DDX24: variants seen among roughly 807,000 people sequenced by gnomAD.
DDX24 encodes the protein ATP-dependent RNA helicase DDX24.
Under a neutral mutation model 68.9 loss-of-function variants are expected in DDX24, and 24 were observed. The observed-to-expected ratio is 0.35, with a 90% CI of 0.25 to 0.49. The LOEUF is 0.49. Ranked by LOEUF, DDX24 falls within the 20% of genes least tolerant of loss-of-function variation. DDX24 has a pLI of 0.99. For synonymous variants in DDX24, 395 were observed against 385.2 expected (o/e 1.03, Z -0.30); for missense variants, 989 against 1,039.0 (o/e 0.95, Z 0.66).
chr14:94,071,212 T>C (rs1885820171), intron 2 of DDX24, among the ~76,000 whole-genome samples: 1 of 151,836 alleles, frequency 6.6e-6, no homozygotes, highest in Admixed American at 6.6e-5. Context: ...AAATAGACAA[T>C]TATCAAAAGA....
At chr14:94,052,368 A>G (rs531739960) in intron 8 of DDX24, among the ~76,000 whole-genome samples, 18 of 152,276 alleles carry the variant, frequency 1.2e-4, no homozygotes, top group Admixed American at 4.6e-4. Flanking sequence ...TCCCTGCACA[A>G]ACTGCCTCTG....
At chr14:94,058,743 G>A (rs1476002780) in intron 5 of DDX24, among the ~76,000 whole-genome samples, 2 of 152,188 alleles carry the variant, frequency 1.3e-5, no homozygotes, top group Admixed American at 1.3e-4. Flanking sequence ...GCCGGGAAAT[G>A]CAATGCAAAT....
intron 6 of DDX24, chr14:94,057,467 G>A (rs1381353399): frequency 1.4e-5 from 3 of 214,812 alleles, no homozygotes; most frequent in Admixed American, 1.2e-4. Context: ...ACACAGCTGG[G>A]ATTTGAGCCC....
In DDX24 at chr14:94,075,446, T is replaced by C. The variant is rs554319050; in HGVS notation, c.718+3579A>G. On this transcript the variant is annotated intron_variant, in intron 2 of 8. Coordinates refer to ENST00000621632, the MANE Select transcript of DDX24 (RefSeq NM_020414.4). Reference sequence around the variant, plus strand: ...AATGGTGCTGAAATAATTAGCCATATGCAGAAAAACCCACAAACTTTGATC... The same window carrying C: ...AATGGTGCTGAAATAATTAGCCATACGCAGAAAAACCCACAAACTTTGATC... Among the ~76,000 whole-genome samples the C allele has an allele frequency of 2.0e-5, 3 of 152,318 alleles. No individual in the cohort carries two copies. In the South Asian group the frequency reaches 6.2e-4, roughly 32 times the overall value.
At chr14:94,080,892 A>G (rs941963826) in intron 1 of DDX24, among the ~76,000 whole-genome samples, 2 of 152,010 alleles carry the variant, frequency 1.3e-5, no homozygotes, top group Non-Finnish European at 2.9e-5. Context: ...CACGAAACCG[A>G]GAAACCGAGA....
At position 94,054,998 on chromosome 14, in the gene DDX24, T is replaced by G; in HGVS notation, c.2176A>C (p.Lys726Gln). ...PVQTKYMDVVKERIRLARQIE... is the reference protein window; with the variant it reads ...PVQTKYMDVVQERIRLARQIE... ...CTGGGGTTTTAACTGCTTTCTACCT[T>G]GACCACATCCATGTATTTTGTCTGC... The change falls in exon 7 of 9, where the codon AAG becomes CAG. Residue 726 changes from lysine to glutamine, a missense_variant and splice_region_variant. This residue lies in a region of DDX24 where 691 missense variants were observed against 760.0 expected (regional missense o/e 0.91). Coordinates refer to ENST00000621632, the MANE Select transcript of DDX24 (RefSeq NM_020414.4). 2 of 1,614,020 alleles carry G rather than the reference T, an allele frequency of 1.2e-6. No individual in the cohort carries two copies. The highest frequency in any genetic ancestry group is 1.7e-6 in the Non-Finnish European group (2 of 1,179,904).
rs777413831 is a variant in DDX24, at chr14:94,060,555, A to G, written c.1456T>C (p.Ser486Pro). 6.2e-7 allele frequency: 1 copy of G among 1,614,174 alleles called. No individual in the cohort carries two copies. The highest frequency in any genetic ancestry group is 1.1e-5 in the South Asian group (1 of 91,084). ...TCATTGAGCATCTCTAGCAGCTGTGAGAGCTCAGCAAAATGGCCTTTCTCA... is the reference window on the plus strand; with the variant it reads ...TCATTGAGCATCTCTAGCAGCTGTGGGAGCTCAGCAAAATGGCCTTTCTCA... ...MVEKGHFAEL[S>P]QLLEMLNDSQ... is the part of the protein sequence containing the mutation. The change falls in exon 5 of 9, where the codon TCA becomes CCA. Residue 486 changes from serine (S) to proline (P), a missense_variant. By Grantham distance (74) the Ser-to-Pro change is moderately conservative. Coordinates refer to ENST00000621632, the MANE Select transcript of DDX24 (RefSeq NM_020414.4).
At position 94,055,478 on chromosome 14, in the gene DDX24, C is replaced by T. The variant is rs949717937; in HGVS notation, c.1990-294G>A. ...ACTTCTTATCCAGGATTTAAGCAGC[C>T]CAGCTCCACAGACCATGTTAATCCC... On this transcript the variant is annotated intron_variant, in intron 6 of 8. Coordinates refer to ENST00000621632, the MANE Select transcript of DDX24 (RefSeq NM_020414.4). The T allele has an allele frequency of 7.3e-6, 3 of 412,776 alleles. No individual in the cohort carries two copies. In the Admixed American group the frequency reaches 1.1e-4, roughly 16 times the overall value. 25.6% of individuals were successfully genotyped at this position (412,776 alleles called of 1,614,324 possible).
At chr14:94,076,212 C>T (rs1462995853) in intron 2 of DDX24, among the ~76,000 whole-genome samples, 2 of 152,120 alleles carry the variant, frequency 1.3e-5, no homozygotes, top group Admixed American at 6.5e-5. Flanking sequence ...CACAAATGTC[C>T]ATCAATAGAT....
At chr14:94,061,935 C>G (rs1885604783) in intron 3 of DDX24, among the ~76,000 whole-genome samples, 162 bp downstream of exon 3, 1 of 152,108 alleles carries the variant, frequency 6.6e-6, no homozygotes, top group Admixed American at 6.5e-5. Flanking sequence ...CTTGAGGGAA[C>G]TGAAAAAATG....
rs571678587 is a variant in DDX24, at chr14:94,069,375, A to C, written c.719-6754T>G. The stretch of plus-strand genomic sequence containing the variant: ...AGCAAGATTGAAATGGTAATTAGAA[A>C]ATTACCAACAAAAAAAAGTCCAGAA... On this transcript the variant is annotated intron_variant, in intron 2 of 8. Transcript: ENST00000621632. 8.0e-4 allele frequency among the ~76,000 whole-genome samples: 122 copies of C among 152,278 alleles called. 1 individual carries two copies. Among genetic ancestry groups the C allele is most frequent in the Non-Finnish European group, 1.5e-3 (104 of 68,002 alleles).
At chr14:94,080,672 C>A (rs1289329181) in intron 1 of DDX24, among the ~76,000 whole-genome samples, 1 of 151,972 alleles carries the variant, frequency 6.6e-6, no homozygotes, top group Non-Finnish European at 1.5e-5. Context: ...CACACAGTGC[C>A]CGCCGGACCC....
chr14:94,049,532 G>A lies in DDX24; in HGVS notation c.*1659C>T, dbSNP rs1350193764. On this transcript the variant is annotated 3_prime_UTR_variant, in exon 9 of 9. Coordinates refer to ENST00000621632, the MANE Select transcript of DDX24 (RefSeq NM_020414.4). Reference sequence around the variant, plus strand: ...ATACTAATCCCACCTCTGCTACTTGGCTGCTGTGTGGCCCTGGGCAAGTCT... The same window carrying A: ...ATACTAATCCCACCTCTGCTACTTGACTGCTGTGTGGCCCTGGGCAAGTCT... 1 of 152,150 alleles carries A rather than the reference G, an allele frequency of 6.6e-6. No homozygotes were observed. Among genetic ancestry groups the A allele is most frequent in the African/African-American group, 2.4e-5 (1 of 41,388 alleles). The allele number at this position is 152,150 out of a possible 1,614,324, so 9.4% of individuals were successfully genotyped here.
rs1193579512 is a variant in DDX24 at position 94,050,908 on chromosome 14, G to A, written c.*283C>T. On this transcript the variant is annotated 3_prime_UTR_variant, in exon 9 of 9. Transcript: ENST00000621632. Reference sequence around the variant, plus strand: ...TCTAAAAAAAAAAAAAAAAAATCAGGATGACACAATGGCTCTGACCATTGT... The same window carrying A: ...TCTAAAAAAAAAAAAAAAAAATCAGAATGACACAATGGCTCTGACCATTGT... The A allele has an allele frequency of 1.4e-5, 5 of 354,382 alleles. No individual in the cohort carries two copies. Among genetic ancestry groups the A allele is most frequent in the African/African-American group, 2.1e-5 (1 of 46,754 alleles). The allele number at this position is 354,382 out of a possible 1,614,324, so 22.0% of individuals were successfully genotyped here. A position where few individuals can be genotyped will look rare whatever the true frequency, so the allele number is the denominator to read the frequency against.
chr14:94,072,321 G>C (rs1426592812), intron 2 of DDX24, among the ~76,000 whole-genome samples: 1 of 152,202 alleles, frequency 6.6e-6, no homozygotes, highest in East Asian at 1.9e-4. Flanking sequence ...TGAGACTGGA[G>C]ACTATTATTC....
chr14:94,077,147 G>A (rs1885959989), intron 2 of DDX24, among the ~76,000 whole-genome samples: 1 of 152,142 alleles, frequency 6.6e-6, no homozygotes, highest in South Asian at 2.1e-4. Flanking sequence ...CCAATAATAG[G>A]CTATTAGCGT....
chr14:94,071,826 TC>T (rs2052032242), intron 2 of DDX24, among the ~76,000 whole-genome samples: 1 of 150,256 alleles, frequency 6.7e-6, no homozygotes, highest in South Asian at 2.1e-4. Context: ...ATGCCTGTAA[TC>T]CCAGCTACTC....
Position 94,073,500 on chromosome 14 carries a change from A to C in DDX24, c.718+5525T>G, listed in dbSNP as rs35472022. Among the ~76,000 whole-genome samples the C allele has an allele frequency of 2.8e-3, 428 of 151,898 alleles. 3 individuals are homozygous for C. The highest frequency in any genetic ancestry group is 9.9e-3 in the African/African-American group (410 of 41,464). On this transcript the variant is annotated intron_variant, in intron 2 of 8. Transcript: ENST00000621632. ...TAAGGGAAAGTAATAGTATTGAAAA[A>C]CACATACCATGCTAACCCCTTAATC...
intron 2 of DDX24, among the ~76,000 whole-genome samples, chr14:94,066,735 C>T (rs1296714835): frequency 6.6e-6 from 1 of 152,182 alleles, no homozygotes; most frequent in African/African-American, 2.4e-5. Context: ...AGAAGACAGA[C>T]AACAATCACT....
Sources: gnomAD v4.1 joint callset for allele counts (sites outside exome capture counted in the v4.1 genomes callset) on GRCh38, gnomAD v4.1.1 for gene constraint, gnomAD v4.1.1 regional missense constraint, MANE v1.5 for transcripts, NCBI Gene and HGNC (gene_info 2026-07-23, HGNC 2026-07-21) for gene names.